The following MIB1 variants were observed in gnomAD, a reference collection of about 807,000 sequenced individuals.
MIB1 encodes MIB E3 ubiquitin protein ligase 1, also known as E3 ubiquitin-protein ligase MIB1.
A neutral mutation model predicts 124.5 loss-of-function variants in MIB1; 278 were observed. The observed-to-expected ratio is 2.23, with a 90% confidence interval of 2.02 to 2.47. The LOEUF is 2.47. Among genes scored for constraint, MIB1 ranks in the 30% most tolerant of loss-of-function variants. MIB1 has a pLI of 0.00. For missense variants in MIB1, 957 were observed against 1,254.4 expected (o/e 0.76, Z 3.58); for synonymous variants, 446 against 429.4 (o/e 1.04, Z -0.48).
intron 1 of MIB1, among the ~76,000 whole-genome samples, chr18:21,743,139 A>C (rs1350809735): frequency 6.6e-6 from 1 of 152,220 alleles, no homozygotes; most frequent in Admixed American, 6.5e-5. Context: ...AGAAAATGAA[A>C]AGATTCAACA....
Position 21,857,297 on chromosome 18 carries a change from T to TAA in MIB1, c.2779+56_2779+57dup, listed in dbSNP as rs2146519974. ...ATTTTGCTTTTTTTTGGGACTTGCATAAACACCTCTTCTCTTTCGTAATAC... is the reference window on the plus strand; with the variant it reads ...ATTTTGCTTTTTTTTGGGACTTGCATAAAAACACCTCTTCTCTTTCGTAATAC... On this transcript the variant is annotated intron_variant, in intron 19 of 20. Transcript: ENST00000261537. The TAA allele has an allele frequency of 2.8e-6, 3 of 1,055,780 alleles. No individual in the cohort carries two copies. In the East Asian group the frequency reaches 7.1e-5, roughly 25 times the overall value. 65.4% of individuals were successfully genotyped at this position (1,055,780 alleles called of 1,614,324 possible). A position where few individuals can be genotyped will look rare whatever the true frequency, so the allele number is the denominator to read the frequency against.
At chr18:21,816,384 C>T (rs1234675935) in intron 11 of MIB1, among the ~76,000 whole-genome samples, 1 of 152,086 alleles carries the variant, frequency 6.6e-6, no homozygotes, top group Admixed American at 6.6e-5. Context: ...TAGTCTGTGT[C>T]CATTTTCTGC....
In MIB1 at chr18:21,858,443, A is replaced by G. The variant is rs2042246362; in HGVS notation, c.2780-103A>G. The G allele has an allele frequency of 4.9e-6, 3 of 609,890 alleles. No individual in the cohort carries two copies. The South Asian group carries it at 9.0e-5, about 18-fold the overall frequency. The allele number at this position is 609,890 out of a possible 1,614,324, so 37.8% of individuals were successfully genotyped here. ...AAAATTTTTGAAGAGGATTTTAATA[A>G]TAGTTTTATGTTTTTAATAAACAAA... On this transcript the variant is annotated intron_variant, in intron 19 of 20. Transcript: ENST00000261537.
rs77281445 is a variant in MIB1 at position 21,767,935 on chromosome 18, C to T, written c.402-688C>T. ...AACACCCTGCTCCCCCCACTGCCCC[C>T]GCCAATACAGAAGACTATCAGTACT... On this transcript the variant is annotated intron_variant, in intron 2 of 20. Coordinates refer to ENST00000261537, the MANE Select transcript of MIB1 (RefSeq NM_020774.4). Among the ~76,000 whole-genome samples, 721 of 152,192 alleles carry T rather than the reference C, an allele frequency of 4.7e-3. 3 individuals are homozygous for T. Among genetic ancestry groups the T allele is most frequent in the African/African-American group, 0.016 (664 of 41,522 alleles).
At chr18:21,742,339 T>C (rs2040863352) in intron 1 of MIB1, among the ~76,000 whole-genome samples, 1 of 151,970 alleles carries the variant, frequency 6.6e-6, no homozygotes, top group Admixed American at 6.6e-5. Context: ...TAGCCAAATG[T>C]TACTTGGGAC....
intron 13 of MIB1, among the ~76,000 whole-genome samples, chr18:21,842,458 G>A (rs1209618011): frequency 2.6e-5 from 4 of 151,942 alleles, no homozygotes; most frequent in Non-Finnish European, 5.9e-5. Context: ...CCATTTTGGA[G>A]CTGAGGAAGT....
chr18:21,741,052 C>G lies in MIB1; in HGVS notation c.-532C>G, dbSNP rs1484897684. 3.3e-5 allele frequency among the ~76,000 whole-genome samples: 5 copies of G among 152,120 alleles called. No individual in the cohort carries two copies. The East Asian group carries it at 5.9e-4, about 18-fold the overall frequency. On this transcript the variant is annotated 5_prime_UTR_variant, in exon 1 of 21. Coordinates refer to ENST00000261537, the MANE Select transcript of MIB1 (RefSeq NM_020774.4). This position sits in a 1 kb window ranked among gnomAD's most constrained non-coding sequence, Gnocchi z 5.4. ...GGGGCCTGAGGGCCCGGGCGCTCGCCGGACGCCGGGAGGTACCACCGCTGC... is the reference window on the plus strand; with the variant it reads ...GGGGCCTGAGGGCCCGGGCGCTCGCGGGACGCCGGGAGGTACCACCGCTGC...
chr18:21,863,325 T>C (rs1470191597), intron 20 of MIB1, among the ~76,000 whole-genome samples: 3 of 152,214 alleles, frequency 2.0e-5, no homozygotes, highest in Non-Finnish European at 4.4e-5. Flanking sequence ...AAAGGGCCAG[T>C]GTAACAGCCT....
chr18:21,809,557 A>C (rs1568210988), intron 10 of MIB1, among the ~76,000 whole-genome samples: 1 of 152,122 alleles, frequency 6.6e-6, no homozygotes, highest in East Asian at 1.9e-4. Context: ...ATACACCATG[A>C]TCAAATGGGA....
intron 10 of MIB1, among the ~76,000 whole-genome samples, chr18:21,811,491 A>G (rs2041772929): frequency 6.6e-6 from 1 of 152,184 alleles, no homozygotes; most frequent in Admixed American, 6.5e-5. Flanking sequence ...AGAAGAATGG[A>G]TGAGCAAAAT....
At chr18:21,815,358 A>G (rs932111604) in intron 10 of MIB1, among the ~76,000 whole-genome samples, 2 of 151,710 alleles carry the variant, frequency 1.3e-5, no homozygotes, top group Non-Finnish European at 1.5e-5. Context: ...GGATCTTGCT[A>G]TGTTGCCCAG....
chr18:21,713,401 G>C (rs1434617142), intron 1 of MIB1, among the ~76,000 whole-genome samples: 2 of 151,916 alleles, frequency 1.3e-5, no homozygotes, highest in Non-Finnish European at 2.9e-5. Flanking sequence ...CATGAGGTCA[G>C]GCATTCAAGA....
rs971486130 is a variant in MIB1 at position 21,866,224 on chromosome 18, G to T, written c.*1558G>T. On this transcript the variant is annotated 3_prime_UTR_variant, in exon 21 of 21. Transcript: ENST00000261537. ...CACTGTTTCTGGCTGTTTAATCCTT[G>T]CTGCCTTTGCAAGTCCTGGTGAAAG... 1 of 152,074 alleles carries T rather than the reference G, an allele frequency of 6.6e-6. No individual in the cohort carries two copies. Among genetic ancestry groups the T allele is most frequent in the African/African-American group, 2.4e-5 (1 of 41,390 alleles). 9.4% of individuals were successfully genotyped at this position (152,074 alleles called of 1,614,324 possible). A position where few individuals can be genotyped will look rare whatever the true frequency, so the allele number is the denominator to read the frequency against.
At chr18:21,798,044 A>G (rs769232134) in intron 7 of MIB1, 40 bp from the exon 8 acceptor site, 3 of 1,603,448 alleles carry the variant, frequency 1.9e-6, no homozygotes, top group South Asian at 2.2e-5. Flanking sequence ...TATGGTATAT[A>G]CTTTAGACTT....
At chr18:21,712,314 G>A (rs1374268567) in intron 1 of MIB1, among the ~76,000 whole-genome samples, 1 of 152,162 alleles carries the variant, frequency 6.6e-6, no homozygotes, top group African/African-American at 2.4e-5. Flanking sequence ...GAGACCCCCA[G>A]TGATCTCTGC....
rs2042315768 is a variant in MIB1 at position 21,865,709 on chromosome 18, A to G, written c.*1043A>G. 6.6e-6 allele frequency: 1 copy of G among 152,602 alleles called. No individual in the cohort carries two copies. Among genetic ancestry groups the G allele is most frequent in the Non-Finnish European group, 1.5e-5 (1 of 68,024 alleles). 9.5% of individuals were successfully genotyped at this position (152,602 alleles called of 1,614,324 possible). On this transcript the variant is annotated 3_prime_UTR_variant, in exon 21 of 21. Coordinates refer to ENST00000261537, the MANE Select transcript of MIB1 (RefSeq NM_020774.4). Reference sequence around the variant, plus strand: ...CAGTGTTAGTGATTCTGTCTTCATTATAGGCCTTATTTCCATTATCTCTTT... The same window carrying G: ...CAGTGTTAGTGATTCTGTCTTCATTGTAGGCCTTATTTCCATTATCTCTTT...
intron 3 of MIB1, among the ~76,000 whole-genome samples, chr18:21,773,157 T>A (rs1211160419): frequency 2.6e-5 from 4 of 151,904 alleles, no homozygotes; most frequent in African/African-American, 4.8e-5. Flanking sequence ...TCTCAGCTAC[T>A]CAGGAGGCTG....
At chr18:21,710,482 G>A (rs1741788035) in intron 1 of MIB1, among the ~76,000 whole-genome samples, 4 of 152,172 alleles carry the variant, frequency 2.6e-5, no homozygotes. Flanking sequence ...AGGTGCAGTA[G>A]CTCACACCTC....
intron 12 of MIB1, chr18:21,828,286 C>T (rs771688063): frequency 4.0e-5 from 6 of 151,832 alleles, no homozygotes; most frequent in Admixed American, 6.6e-5. Flanking sequence ...TACCAATATA[C>T]CCTGCTGACT....
Sources: gnomAD v4.1 joint callset for allele counts (sites outside exome capture counted in the v4.1 genomes callset) on GRCh38, gnomAD v4.1.1 for gene constraint, Gnocchi (gnomAD v3.1) non-coding constraint, MANE v1.5 for transcripts, NCBI Gene and HGNC (gene_info 2026-07-23, HGNC 2026-07-21) for gene names.